The following HTR4 variants were observed in gnomAD, a reference collection of about 807,000 sequenced individuals.
The protein encoded by HTR4 is 5-hydroxytryptamine (serotonin) receptor 4, G protein-coupled.
A neutral mutation model predicts 36.8 loss-of-function variants in HTR4; 16 were observed. The observed-to-expected ratio is 0.43, with a 90% confidence interval of 0.29 to 0.66. HTR4 has a LOEUF of 0.66. HTR4 is among the 30% of genes least tolerant of loss of function. The probability of loss-of-function intolerance (pLI) is 0.13; values close to 1 mark genes in which losing one functional copy is unlikely to be tolerated. For missense variants in HTR4, 438 were observed against 490.9 expected (o/e 0.89, Z 1.02); for synonymous variants, 189 against 185.1 (o/e 1.02, Z -0.17).
intron 2 of HTR4, among the ~76,000 whole-genome samples, chr5:148,600,959 C>T (rs1429016207): frequency 1.0e-5 from 1 of 99,928 alleles, no homozygotes; most frequent in Non-Finnish European, 2.0e-5. Context: ...ATATGAGGAA[C>T]TCCCACAACT....
intron 2 of HTR4, among the ~76,000 whole-genome samples, chr5:148,590,905 G>C (rs1044724210): frequency 2.0e-5 from 3 of 151,874 alleles, no homozygotes; most frequent in African/African-American, 7.3e-5. Context: ...ATCTTTGCCT[G>C]TTCCTATGTC....
At chr5:148,513,018 T>C (rs376741771) in intron 5 of HTR4, among the ~76,000 whole-genome samples, 4 of 151,822 alleles carry the variant, frequency 2.6e-5, no homozygotes, top group Admixed American at 1.3e-4. Context: ...CTTTTTTTTT[T>C]ACAGGGTCAT....
At chr5:148,633,899 T>C (rs756199682) in intron 2 of HTR4, among the ~76,000 whole-genome samples, 2 of 152,142 alleles carry the variant, frequency 1.3e-5, no homozygotes, top group East Asian at 1.9e-4. Flanking sequence ...AGTAATTCTT[T>C]GAGCTTGTAC....
chr5:148,623,185 G>A (rs1435297277), intron 2 of HTR4, among the ~76,000 whole-genome samples: 1 of 152,096 alleles, frequency 6.6e-6, no homozygotes, highest in East Asian at 1.9e-4. Flanking sequence ...AACAGAAAAG[G>A]CACCAGACAT....
Position 148,509,556 on chromosome 5 carries a change from T to G in HTR4, c.976A>C (p.Ile326Leu), listed in dbSNP as rs1263270772. 3 of 1,613,858 alleles carry G rather than the reference T, an allele frequency of 1.9e-6. No individual in the cohort carries two copies. Among genetic ancestry groups the G allele is most frequent in the Non-Finnish European group, 2.5e-6 (3 of 1,179,950 alleles). Residue 326 changes from isoleucine (I) to leucine (L), a missense_variant, in exon 6 of 7, where the codon ATC becomes CTC. Ile to Leu is a conservative substitution (Grantham distance 5). Transcript: ENST00000377888. ...TAGCGCTCATCATCACAGCAGAGGATGATGAGGAAGGCACGTCTAAAAGAC... is the reference window on the plus strand; with the variant it reads ...TAGCGCTCATCATCACAGCAGAGGAGGATGAGGAAGGCACGTCTAAAAGAC... ...NKSFRRAFLIILCCDDERYRR... is the reference protein window; with the variant it reads ...NKSFRRAFLILLCCDDERYRR...
At chr5:148,504,501 G>A (rs1451383727) in intron 6 of HTR4, among the ~76,000 whole-genome samples, 1 of 152,186 alleles carries the variant, frequency 6.6e-6, no homozygotes, top group African/African-American at 2.4e-5. Context: ...GCAGTGTGTA[G>A]AGGGAAATTT....
chr5:148,604,572 C>A (rs1752064230), intron 2 of HTR4, among the ~76,000 whole-genome samples: 1 of 152,134 alleles, frequency 6.6e-6, no homozygotes, highest in Non-Finnish European at 1.5e-5. Flanking sequence ...GTATAGCACT[C>A]AGTGTAAGAG....
intron 1 of HTR4, among the ~76,000 whole-genome samples, chr5:148,650,448 T>C (rs1240024370): frequency 6.6e-6 from 1 of 152,226 alleles, no homozygotes; most frequent in East Asian, 1.9e-4. Context: ...GGTAGCCATT[T>C]ACATTGTATT....
intron 5 of HTR4, among the ~76,000 whole-genome samples, chr5:148,460,687 T>C (rs570364944): frequency 4.6e-5 from 7 of 152,232 alleles, no homozygotes; most frequent in Admixed American, 2.0e-4. Flanking sequence ...GGCCAGATTC[T>C]CAGTTTTACA....
At chr5:148,627,780 A>G (rs371176273) in intron 2 of HTR4, among the ~76,000 whole-genome samples, 3 of 152,348 alleles carry the variant, frequency 2.0e-5, no homozygotes, top group African/African-American at 7.2e-5. Flanking sequence ...CAATTGAAAA[A>G]ATGTCTGAAA....
chr5:148,560,590 C>T (rs902284337), intron 2 of HTR4, among the ~76,000 whole-genome samples: 1 of 152,140 alleles, frequency 6.6e-6, no homozygotes, highest in African/African-American at 2.4e-5. Flanking sequence ...TTGATTTTGA[C>T]ATTGATGTAC....
chr5:148,523,972 T>A (rs939523949), intron 4 of HTR4, among the ~76,000 whole-genome samples: 7 of 151,618 alleles, frequency 4.6e-5, no homozygotes, highest in African/African-American at 1.7e-4. Context: ...CCTGCCTACA[T>A]GGAAGTGGAG....
At chr5:148,460,861 G>C (rs181042493) in intron 5 of HTR4, among the ~76,000 whole-genome samples, 1 of 152,048 alleles carries the variant, frequency 6.6e-6, no homozygotes, top group Non-Finnish European at 1.5e-5. Context: ...GTTACATCCT[G>C]ATAAATCCAT....
intron 2 of HTR4, among the ~76,000 whole-genome samples, chr5:148,613,016 T>G (rs1211293894): frequency 1.0e-3 from 147 of 142,406 alleles, no homozygotes; most frequent in African/African-American, 3.5e-3. Context: ...AATAACAGGA[T>G]CTGAAATTGT....
At chr5:148,521,834 G>C (rs1581418967) in intron 5 of HTR4, among the ~76,000 whole-genome samples, 1 of 152,094 alleles carries the variant, frequency 6.6e-6, no homozygotes, top group African/African-American at 2.4e-5. Flanking sequence ...TCAGGGCTTA[G>C]TTCTCTCAAC....
chr5:148,471,676 T>C (rs1249637952), downstream of HTR4, among the ~76,000 whole-genome samples: 1 of 152,240 alleles, frequency 6.6e-6, no homozygotes, highest in Non-Finnish European at 1.5e-5. Flanking sequence ...GACTTTATTA[T>C]AAATCACTAT....
intron 2 of HTR4, among the ~76,000 whole-genome samples, chr5:148,619,655 T>C (rs1419210815): frequency 1.3e-5 from 2 of 152,004 alleles, no homozygotes; most frequent in African/African-American, 4.8e-5. Context: ...CAATGCAAAA[T>C]TGAAAACACG....
At chr5:148,520,359 G>A (rs1561593271) in intron 5 of HTR4, among the ~76,000 whole-genome samples, 1 of 152,164 alleles carries the variant, frequency 6.6e-6, no homozygotes, top group Non-Finnish European at 1.5e-5. Flanking sequence ...CTCATTCTAA[G>A]TGAACAAAAA....
downstream of HTR4, among the ~76,000 whole-genome samples, chr5:148,473,792 C>T (rs899211857): frequency 2.6e-5 from 4 of 152,198 alleles, no homozygotes; most frequent in South Asian, 8.3e-4. Flanking sequence ...CCAGAATTTA[C>T]CCAGCTAGTG....
Sources: gnomAD v4.1 joint callset for allele counts (sites outside exome capture counted in the v4.1 genomes callset) on GRCh38, gnomAD v4.1.1 for gene constraint, MANE v1.5 for transcripts, NCBI Gene and HGNC (gene_info 2026-07-23, HGNC 2026-07-21) for gene names.